SPAG9: variants seen among roughly 807,000 people sequenced by gnomAD.
SPAG9 encodes the protein sperm associated antigen 9.
SPAG9 carries 35 observed loss-of-function variants against 166.5 expected under a neutral mutation model. The observed-to-expected ratio is 0.21, with a 90% CI of 0.16 to 0.28. The LOEUF (loss-of-function observed/expected upper bound fraction) is 0.28. Among genes scored for constraint, SPAG9 ranks in the 10% least tolerant of loss-of-function variants. The pLI is 1.00. For missense variants in SPAG9, 1,235 were observed against 1,603.3 expected, an observed-to-expected ratio of 0.77 and a Z score of 3.92; for synonymous variants, 534 against 565.5, an observed-to-expected ratio of 0.94 and a Z score of 0.79.
intron 29 of SPAG9, among the ~76,000 whole-genome samples, chr17:50,968,644 T>C (rs1030822873): frequency 1.3e-5 from 2 of 152,068 alleles, no homozygotes; most frequent in Non-Finnish European, 1.5e-5. Flanking sequence ...GGCATGAGAA[T>C]TGCTTGAAAC....
rs1339995265 is a variant in SPAG9 at position 51,120,298 on chromosome 17, G to A, written c.303+56C>T. 1.6e-5 allele frequency: 19 copies of A among 1,195,250 alleles called. No homozygotes were observed. Among genetic ancestry groups the A allele is most frequent in the Non-Finnish European group, 2.0e-5 (18 of 889,072 alleles). 74.0% of individuals were successfully genotyped at this position (1,195,250 alleles called of 1,614,324 possible). A position where few individuals can be genotyped will look rare whatever the true frequency, so the allele number is the denominator to read the frequency against. ...TAGTCCCCGACCGGGCCGCGACCCC[G>A]CCCCGGCCGCCCCCGGAGACGGATC... On this transcript the variant is annotated intron_variant, in intron 1 of 29. Coordinates refer to ENST00000262013, the MANE Select transcript of SPAG9 (RefSeq NM_001130528.3). The surrounding 1 kb of genome is among the most constrained non-coding windows in gnomAD (Gnocchi z 4.7).
intron 2 of SPAG9, among the ~76,000 whole-genome samples, chr17:51,060,847 GT>G (rs574495716): frequency 7.1e-4 from 96 of 135,836 alleles, no homozygotes; most frequent in Middle Eastern, 3.8e-3. Context: ...GGTTTTTTTT[GT>G]TTTTTTTTTT....
In SPAG9 at chr17:50,962,399, A is replaced by C. The variant is rs1973177488; in HGVS notation, c.*3873T>G. ...TTCTGATAGAATGTCTTGGACAAAAAACGAATTTGGAACATAAAATGGTTA... is the reference window on the plus strand; with the variant it reads ...TTCTGATAGAATGTCTTGGACAAAACACGAATTTGGAACATAAAATGGTTA... On this transcript the variant is annotated 3_prime_UTR_variant, in exon 30 of 30. Transcript: ENST00000262013. The C allele has an allele frequency of 6.6e-6, 1 of 152,248 alleles. No individual in the cohort carries two copies. Among genetic ancestry groups the C allele is most frequent in the Admixed American group, 6.5e-5 (1 of 15,288 alleles). 9.4% of individuals were successfully genotyped at this position (152,248 alleles called of 1,614,324 possible). A position where few individuals can be genotyped will look rare whatever the true frequency, so the allele number is the denominator to read the frequency against.
intron 26 of SPAG9, 22 bp downstream of exon 26, chr17:50,979,718 GTAAAGA>G: frequency 6.3e-7 from 1 of 1,595,432 alleles, no homozygotes; most frequent in Non-Finnish European, 8.6e-7. Context: ...TCTTTGACTG[GTAAAGA>G]TAAAACGCGT....
intron 9 of SPAG9, among the ~76,000 whole-genome samples, chr17:51,007,562 G>A (rs2045279283): frequency 6.6e-6 from 1 of 151,962 alleles, no homozygotes; most frequent in African/African-American, 2.4e-5. Context: ...TTTTAAATCT[G>A]AATCGGCTTG....
intron 2 of SPAG9, among the ~76,000 whole-genome samples, chr17:51,068,729 C>T (rs557923695): frequency 4.6e-5 from 7 of 152,254 alleles, no homozygotes; most frequent in South Asian, 4.1e-4. Flanking sequence ...TCAAATTATT[C>T]GTATTTTCCC....
At chr17:50,991,014 C>G (rs1975501337) in intron 19 of SPAG9, among the ~76,000 whole-genome samples, 1 of 150,790 alleles carries the variant, frequency 6.6e-6, no homozygotes, top group Admixed American at 6.6e-5. Context: ...TTAAGTGATT[C>G]TCCTGCCTCA....
chr17:51,014,233 T>C lies in SPAG9; in HGVS notation c.1212A>G (p.Leu404=). ...IGDVDEGADL[L]GMGREVENLI... is the part of the protein sequence containing the mutation. ...ATTTCTTCAGATGAGCTATCATACC[T>C]AGTAAATCTGCTCCTTCATCCACAT... Residue 404 remains leucine (L), a splice_region_variant and synonymous_variant, in exon 9 of 30, where the codon CTA becomes CTG. Coordinates refer to ENST00000262013, the MANE Select transcript of SPAG9 (RefSeq NM_001130528.3). 1.2e-6 allele frequency: 2 copies of C among 1,608,726 alleles called. No homozygotes were observed. Among genetic ancestry groups the C allele is most frequent in the Non-Finnish European group, 1.7e-6 (2 of 1,177,834 alleles).
At position 51,077,125 on chromosome 17, in the gene SPAG9, GCTAT is replaced by G. The variant is rs1341960617; in HGVS notation, c.424+2455_424+2458del. Among the ~76,000 whole-genome samples, 23 of 150,320 alleles carry G rather than the reference GCTAT, an allele frequency of 1.5e-4. No homozygotes were observed. The East Asian group carries it at 1.6e-3, about 10-fold the overall frequency. On this transcript the variant is annotated intron_variant, in intron 2 of 29. Transcript: ENST00000262013. ...AGCTAGCTATCTAGCTATCTAGCTA[GCTAT>G]CTATCTATTTCTTTGAGACAGTTTC...
intron 1 of SPAG9, among the ~76,000 whole-genome samples, chr17:51,099,003 G>C (rs892378790): frequency 1.3e-5 from 2 of 151,852 alleles, no homozygotes; most frequent in Non-Finnish European, 2.9e-5. Flanking sequence ...GGGAGGCTGA[G>C]GCAGAAGAAC....
intron 1 of SPAG9, among the ~76,000 whole-genome samples, chr17:51,116,108 C>T (rs1313019303): frequency 6.6e-6 from 1 of 151,966 alleles, no homozygotes; most frequent in Non-Finnish European, 1.5e-5. Flanking sequence ...TACAGAGGCA[C>T]GATCCCAGCT....
At chr17:51,052,274 G>A (rs557988091) in intron 3 of SPAG9, among the ~76,000 whole-genome samples, 10 of 152,242 alleles carry the variant, frequency 6.6e-5, no homozygotes, top group East Asian at 1.9e-4. Flanking sequence ...TTTTAAGGGC[G>A]CCTAGTTCTT....
intron 2 of SPAG9, among the ~76,000 whole-genome samples, chr17:51,077,129 T>TCTAGCTAG: frequency 6.6e-6 from 1 of 150,908 alleles, no homozygotes; most frequent in East Asian, 2.0e-4. Context: ...TAGCTAGCTA[T>TCTAGCTAG]CTATCTATTT....
chr17:51,010,913 G>T (rs1185714045), intron 9 of SPAG9, among the ~76,000 whole-genome samples: 1 of 152,068 alleles, frequency 6.6e-6, no homozygotes, highest in Non-Finnish European at 1.5e-5. Flanking sequence ...TGAAAACCAA[G>T]AAACAATGAG....
At chr17:50,987,519 C>CAA (rs201762375) in intron 21 of SPAG9, among the ~76,000 whole-genome samples, 12 of 119,730 alleles carry the variant, frequency 1.0e-4, no homozygotes, top group African/African-American at 3.4e-4. Context: ...AACTTTTAGT[C>CAA]AAAAAAAAAA....
At chr17:51,086,178 G>C in intron 1 of SPAG9, among the ~76,000 whole-genome samples, 1 of 151,750 alleles carries the variant, frequency 6.6e-6, no homozygotes, top group Non-Finnish European at 1.5e-5. Context: ...CAGGGTTTCA[G>C]TATGTTGGCT....
At chr17:51,044,703 T>G (rs1431429460) in intron 4 of SPAG9, among the ~76,000 whole-genome samples, 1 of 152,102 alleles carries the variant, frequency 6.6e-6, no homozygotes. Context: ...TTTTTCAGAG[T>G]AGGAAAAGTG....
At chr17:51,056,240 CA>C (rs1425766049) in intron 3 of SPAG9, among the ~76,000 whole-genome samples, 171 bp downstream of exon 3, 1 of 152,160 alleles carries the variant, frequency 6.6e-6, no homozygotes, top group African/African-American at 2.4e-5. Context: ...GAAAAGTTGA[CA>C]TTTGGTAACT....
chr17:51,088,592 C>T (rs561225532), intron 1 of SPAG9, among the ~76,000 whole-genome samples: 11 of 152,036 alleles, frequency 7.2e-5, no homozygotes, highest in Admixed American at 6.6e-4. Flanking sequence ...ATCAGGAGAT[C>T]GAGACCAACC....
Sources: gnomAD v4.1 joint callset for allele counts (sites outside exome capture counted in the v4.1 genomes callset) on GRCh38, gnomAD v4.1.1 for gene constraint, Gnocchi (gnomAD v3.1) non-coding constraint, MANE v1.5 for transcripts, NCBI Gene and HGNC (gene_info 2026-07-23, HGNC 2026-07-21) for gene names.